The following DOCK10 variants were observed in gnomAD, a reference collection of about 807,000 sequenced individuals.
DOCK10 encodes dedicator of cytokinesis protein 10.
Under a neutral mutation model 280.1 loss-of-function variants are expected in DOCK10, and 145 were observed. The ratio of observed to expected loss-of-function variants is 0.52; its 90% CI spans 0.45 to 0.59. The LOEUF (loss-of-function observed/expected upper bound fraction) is 0.59, where lower values mean the gene tolerates loss of function less well. Ranked by LOEUF, DOCK10 falls within the 20% of genes least tolerant of loss-of-function variation. The probability of loss-of-function intolerance (pLI) is 0.00; values close to 1 mark genes in which losing one functional copy is unlikely to be tolerated. For synonymous variants in DOCK10, 915 were observed against 942.2 expected (o/e 0.97, Z 0.53); for missense variants, 2,368 against 2,651.7 (o/e 0.89, Z 2.35).
rs1164817749 is a variant in DOCK10, at chr2:224,808,091, GT to G, written c.3410-6del. ...TGACTGAATATTCAGGCATATCTTTGTGAGGAAGGAAAATAACTCATGTTAT... is the reference window on the plus strand; with the variant it reads ...TGACTGAATATTCAGGCATATCTTTGGAGGAAGGAAAATAACTCATGTTAT... On this transcript the variant is annotated splice_polypyrimidine_tract_variant and splice_region_variant and intron_variant, in intron 31 of 55. Coordinates refer to ENST00000258390, the MANE Select transcript of DOCK10 (RefSeq NM_014689.3). 1 of 1,607,184 alleles carries G rather than the reference GT, an allele frequency of 6.2e-7. No individual in the cohort carries two copies. Among genetic ancestry groups the G allele is most frequent in the East Asian group, 2.2e-5 (1 of 44,736 alleles).
chr2:224,822,351 T>C (rs567232867), intron 28 of DOCK10, among the ~76,000 whole-genome samples: 2 of 152,336 alleles, frequency 1.3e-5, no homozygotes, highest in South Asian at 4.1e-4. Context: ...ATAACTAATT[T>C]CCATACATAT....
intron 1 of DOCK10, among the ~76,000 whole-genome samples, chr2:224,995,433 A>G (rs1276678444): frequency 1.3e-5 from 2 of 152,248 alleles, no homozygotes; most frequent in Non-Finnish European, 2.9e-5. Flanking sequence ...ATATAATTCA[A>G]CAAGCACTTA....
chr2:224,916,869 C>G, intron 2 of DOCK10, 85 bp from the exon 3 acceptor site: 1 of 972,284 alleles, frequency 1.0e-6, no homozygotes, highest in Non-Finnish European at 1.6e-6. Flanking sequence ...AAAGGGAAGT[C>G]TTTTAGATCT....
At position 224,886,495 on chromosome 2, in the gene DOCK10, G is replaced by A; in HGVS notation, c.453C>T (p.Ser151=). The A allele has an allele frequency of 6.2e-7, 1 of 1,609,588 alleles. No homozygotes were observed. Among genetic ancestry groups the A allele is most frequent in the Non-Finnish European group, 8.5e-7 (1 of 1,179,182 alleles). The change falls in exon 5 of 56, where the codon TCC becomes TCT. Residue 151 remains serine (S), a synonymous_variant. Transcript: ENST00000258390. ...EYKPEKLPSH[S]FEIDHEDADK... is the part of the protein sequence containing the mutation. ...CAGCATCTTCATGGTCAATCTCAAA[G>A]GAATGTGAAGGAAGCTTCTCTGGTT...
intron 27 of DOCK10, among the ~76,000 whole-genome samples, chr2:224,827,860 A>G (rs1244210596): frequency 6.6e-6 from 1 of 152,198 alleles, no homozygotes; most frequent in African/African-American, 2.4e-5. Flanking sequence ...TTTCTGTCAT[A>G]CTAAGATCAA....
chr2:224,867,105 C>G (rs967944144), intron 11 of DOCK10, among the ~76,000 whole-genome samples: 4 of 151,152 alleles, frequency 2.6e-5, no homozygotes, highest in African/African-American at 9.8e-5. Flanking sequence ...CACACACACA[C>G]ACAAAATTTA....
chr2:224,798,450 G>A (rs1692741761), intron 41 of DOCK10, among the ~76,000 whole-genome samples: 1 of 152,094 alleles, frequency 6.6e-6, no homozygotes, highest in South Asian at 2.1e-4. Context: ...GTTCTTGAAG[G>A]CACTAGTAAA....
intron 1 of DOCK10, among the ~76,000 whole-genome samples, chr2:225,034,380 T>G (rs955825293): frequency 6.6e-6 from 1 of 152,200 alleles, no homozygotes; most frequent in African/African-American, 2.4e-5. Context: ...ATGGTTGCTA[T>G]GAGGATTAGA....
intron 2 of DOCK10, among the ~76,000 whole-genome samples, chr2:224,923,712 G>A (rs1023833414): frequency 2.6e-5 from 4 of 152,088 alleles, no homozygotes; most frequent in Admixed American, 1.3e-4. Context: ...TCCTGCACAG[G>A]GCCTTTGCCC....
rs192256309 is a variant in DOCK10 at position 225,001,331 on chromosome 2, C to T, written c.123+40921G>A. Among the ~76,000 whole-genome samples the T allele has an allele frequency of 9.3e-3, 1,369 of 146,796 alleles. 18 individuals carry two copies. The highest frequency in any genetic ancestry group is 0.034 in the African/African-American group (1,290 of 37,656). ...TTGAGACGGAGTCTCGCTCTGCCACCCAGGCTGGAGTGCAGTGGCTTGATC... is the reference window on the plus strand; with the variant it reads ...TTGAGACGGAGTCTCGCTCTGCCACTCAGGCTGGAGTGCAGTGGCTTGATC... On this transcript the variant is annotated intron_variant, in intron 1 of 55. Transcript: ENST00000258390.
intron 1 of DOCK10, among the ~76,000 whole-genome samples, chr2:225,002,112 A>C (rs281528): frequency 2.1e-4 from 32 of 152,156 alleles, no homozygotes; most frequent in Admixed American, 3.9e-4. Flanking sequence ...TGAATAAATG[A>C]CACTTGGGAG....
chr2:224,769,845 A>T (rs1401669335), intron 55 of DOCK10, among the ~76,000 whole-genome samples: 1 of 152,188 alleles, frequency 6.6e-6, no homozygotes, highest in Non-Finnish European at 1.5e-5. Flanking sequence ...TGGACTCCAC[A>T]TCATGGCCTC....
At position 224,844,857 on chromosome 2, in the gene DOCK10, T is replaced by C; in HGVS notation, c.2482-18A>G. The C allele has an allele frequency of 6.4e-7, 1 of 1,562,492 alleles. No individual in the cohort carries two copies. Among genetic ancestry groups the C allele is most frequent in the Middle Eastern group, 1.7e-4 (1 of 5,980 alleles). ...CCACCATGCTGCAAAATAAAGTTTG[T>C]TTACTGTCACTGGGACAATTCGAGA... On this transcript the variant is annotated intron_variant, in intron 21 of 55. Transcript: ENST00000258390.
At chr2:224,771,779 GA>G (rs976408501) in intron 53 of DOCK10, among the ~76,000 whole-genome samples, 12 of 152,152 alleles carry the variant, frequency 7.9e-5, no homozygotes, top group African/African-American at 2.9e-4. Context: ...TGTGCCTAGG[GA>G]AGTCATCTTG....
chr2:224,767,006 A>G (rs1233580532), intron 55 of DOCK10, among the ~76,000 whole-genome samples: 1 of 152,224 alleles, frequency 6.6e-6, no homozygotes, highest in African/African-American at 2.4e-5. Flanking sequence ...TCTAGCTAAT[A>G]CTTTTCTAGA....
rs139760578 is a variant in DOCK10, at chr2:224,770,887, ATT to A, written c.6205-244_6205-243del. 2.8e-3 allele frequency among the ~76,000 whole-genome samples: 402 copies of A among 141,998 alleles called. 3 individuals are homozygous for A. The highest frequency in any genetic ancestry group is 8.9e-3 in the African/African-American group (348 of 39,192). 93.2% of individuals were successfully genotyped at this position (141,998 alleles called of 152,430 possible). A position where few individuals can be genotyped will look rare whatever the true frequency, so the allele number is the denominator to read the frequency against. The stretch of plus-strand genomic sequence containing the variant: ...TTCAGTCCTTTGCCAACCCCTTCAC[ATT>A]TTTTTTTTTTGTCATATCTGTACGT... On this transcript the variant is annotated intron_variant, in intron 53 of 55. Transcript: ENST00000258390. The surrounding 1 kb of genome is among the most constrained non-coding windows in gnomAD (Gnocchi z 4.5).
chr2:224,865,823 TAA>T (rs1489459551), intron 11 of DOCK10, among the ~76,000 whole-genome samples: 1 of 151,904 alleles, frequency 6.6e-6, no homozygotes, highest in Non-Finnish European at 1.5e-5. Context: ...ATTCAACTGT[TAA>T]CCTCCTGTTT....
chr2:224,859,964 G>A (rs16866245), intron 14 of DOCK10, among the ~76,000 whole-genome samples: 3,312 of 152,260 alleles, frequency 0.022, 119 homozygotes, highest in African/African-American at 0.074. Context: ...GTCTGACATG[G>A]TATCTTTAGA....
chr2:225,015,738 T>G (rs1689572025), intron 1 of DOCK10, among the ~76,000 whole-genome samples: 2 of 152,220 alleles, frequency 1.3e-5, no homozygotes, highest in Non-Finnish European at 2.9e-5. Context: ...GCTATTTCTT[T>G]CTTCAGTGCT....
Sources: allele counts gnomAD v4.1 joint callset (sites outside exome capture counted in the v4.1 genomes callset), GRCh38; gene constraint gnomAD v4.1.1; non-coding constraint Gnocchi (gnomAD v3.1); transcripts MANE v1.5; gene names NCBI Gene and HGNC (gene_info 2026-07-23, HGNC 2026-07-21).